The following AK5 variants were observed in gnomAD, a reference collection of about 807,000 sequenced individuals.
AK5 encodes the protein adenylate kinase 5.
In AK5, 27 loss-of-function variants were observed where a neutral mutation model predicts 69.5. That is an observed-to-expected ratio of 0.39 (90% CI 0.29 to 0.54). AK5 has a LOEUF of 0.54. AK5 is among the 20% of genes least tolerant of loss of function. AK5 has a pLI of 0.71. For missense variants in AK5, 531 were observed against 700.4 expected, an observed-to-expected ratio of 0.76 and a Z score of 2.73; for synonymous variants, 260 against 244.4, an observed-to-expected ratio of 1.06 and a Z score of -0.60.
chr1:77,328,043 C>A lies in AK5; in HGVS notation c.700-12334C>A, dbSNP rs961095187. ...TACCTTTCCAGAACTTCACTTCTAG[C>A]TCATAATAGGATCCTAGTAAATACT... On this transcript the variant is annotated intron_variant, in intron 5 of 13. Coordinates refer to ENST00000354567, the MANE Select transcript of AK5 (RefSeq NM_174858.3). Among the ~76,000 whole-genome samples the A allele has an allele frequency of 4.6e-5, 7 of 152,278 alleles. No homozygotes were observed. The South Asian group carries it at 1.2e-3, about 27-fold the overall frequency.
chr1:77,448,221 G>T (rs138611119), intron 8 of AK5, among the ~76,000 whole-genome samples: 11 of 152,304 alleles, frequency 7.2e-5, no homozygotes, highest in Non-Finnish European at 1.5e-4. Flanking sequence ...GGGCCAGGCT[G>T]CCAGTTCACA....
Position 77,434,107 on chromosome 1 carries a change from CATAAATAAATAAATAA to C in AK5, c.1059+16422_1059+16437del, listed in dbSNP as rs144552494. ...GAAATCAGAAAAATAGAGTGCAAAG[CATAAATAAATAAATAA>C]ATAAATAAATAAATAAATAAATAAA... On this transcript the variant is annotated intron_variant, in intron 8 of 13. Coordinates refer to ENST00000354567, the MANE Select transcript of AK5 (RefSeq NM_174858.3). Among the ~76,000 whole-genome samples, 339 of 143,584 alleles carry C rather than the reference CATAAATAAATAAATAA, an allele frequency of 2.4e-3. 2 individuals are homozygous for C. The highest frequency in any genetic ancestry group is 2.1e-3 in the Non-Finnish European group (135 of 65,740). The allele number at this position is 143,584 out of a possible 152,430, so 94.2% of individuals were successfully genotyped here. A position where few individuals can be genotyped will look rare whatever the true frequency, so the allele number is the denominator to read the frequency against.
intron 10 of AK5, among the ~76,000 whole-genome samples, chr1:77,489,695 C>T (rs1412422176): frequency 2.6e-5 from 4 of 152,174 alleles, no homozygotes; most frequent in Non-Finnish European, 5.9e-5. Flanking sequence ...AGGTTGACAT[C>T]CTCACTATTC....
At chr1:77,331,079 T>C (rs1661062560) in intron 5 of AK5, among the ~76,000 whole-genome samples, 1 of 152,070 alleles carries the variant, frequency 6.6e-6, no homozygotes, top group Admixed American at 6.5e-5. Flanking sequence ...AAAAATATAA[T>C]ATAATTATGC....
rs200562161 is a variant in AK5 at position 77,521,960 on chromosome 1, G to A, written c.1428+17G>A. ...GGACGCAGGGTGAGTGGTTGTTACG[G>A]GCATCCTTCCAGAAGAAAAATAGGG... On this transcript the variant is annotated intron_variant, in intron 12 of 13. Coordinates refer to ENST00000354567, the MANE Select transcript of AK5 (RefSeq NM_174858.3). 1 of 1,558,770 alleles carries A rather than the reference G, an allele frequency of 6.4e-7. No individual in the cohort carries two copies. The highest frequency in any genetic ancestry group is 8.7e-7 in the Non-Finnish European group (1 of 1,150,584).
At chr1:77,283,429 G>GT in intron 1 of AK5, 1 of 985,266 alleles carries the variant, frequency 1.0e-6, no homozygotes, top group Non-Finnish European at 1.2e-6. Flanking sequence ...GGTCATGAGG[G>GT]TTTTTCCCCC....
chr1:77,495,389 G>T (rs11162355), intron 10 of AK5, among the ~76,000 whole-genome samples: 87,554 of 151,944 alleles, frequency 0.58, 26,285 homozygotes, highest in Non-Finnish European at 0.67. Context: ...TTTACTTTGC[G>T]CCTATGTATC....
intron 13 of AK5, among the ~76,000 whole-genome samples, chr1:77,555,860 C>G (rs1660070381): frequency 6.6e-6 from 1 of 152,126 alleles, no homozygotes; most frequent in African/African-American, 2.4e-5. Context: ...TGGTTAACTG[C>G]AAAACATTGA....
intron 8 of AK5, among the ~76,000 whole-genome samples, chr1:77,444,345 AAT>A (rs1652571850): frequency 1.7e-5 from 1 of 59,374 alleles, no homozygotes; most frequent in Non-Finnish European, 3.1e-5. Flanking sequence ...ATATATACAC[AAT>A]ATATGTGTAT....
chr1:77,479,196 C>CTTTTTTTTTTTTTTTTTTTTTTTTTTTT (rs67079216), intron 8 of AK5, among the ~76,000 whole-genome samples: 1 of 71,908 alleles, frequency 1.4e-5, no homozygotes, highest in Non-Finnish European at 2.6e-5. Flanking sequence ...CTGAAATTGT[C>CTTTTTTTTTTTTTTTTTTTTTTTTTTTT]TTTTTTTTTT....
At chr1:77,520,532 C>G (rs1657922328) in intron 11 of AK5, among the ~76,000 whole-genome samples, 1 of 152,222 alleles carries the variant, frequency 6.6e-6, no homozygotes, top group Non-Finnish European at 1.5e-5. Flanking sequence ...CACAAGTCAG[C>G]CTGTTCCTGC....
At chr1:77,356,018 G>T (rs919030516) in intron 6 of AK5, among the ~76,000 whole-genome samples, 3 of 151,984 alleles carry the variant, frequency 2.0e-5, no homozygotes, top group Non-Finnish European at 4.4e-5. Context: ...AATCTTCTCT[G>T]CAGTTGATCA....
chr1:77,312,453 A>G (rs916572448), intron 5 of AK5, among the ~76,000 whole-genome samples: 2 of 151,984 alleles, frequency 1.3e-5, no homozygotes, highest in African/African-American at 2.4e-5. Context: ...TGTCTCTACT[A>G]AAAATACAAA....
chr1:77,334,180 G>T (rs895536503), intron 5 of AK5, among the ~76,000 whole-genome samples: 1 of 152,096 alleles, frequency 6.6e-6, no homozygotes, highest in Non-Finnish European at 1.5e-5. Flanking sequence ...TGGAAATGCT[G>T]TATTTAGTCT....
intron 6 of AK5, among the ~76,000 whole-genome samples, chr1:77,368,244 TATATATATA>T (rs1647043268): frequency 1.6e-4 from 2 of 12,592 alleles, no homozygotes; most frequent in Non-Finnish European, 6.4e-4. Flanking sequence ...TATATATATA[TATATATATA>T]ATATATATGT....
chr1:77,368,301 T>C (rs1178367995), intron 6 of AK5, among the ~76,000 whole-genome samples: 1 of 113,896 alleles, frequency 8.8e-6, no homozygotes, highest in African/African-American at 3.6e-5. Context: ...ATGTTATATA[T>C]AATATATATG....
At chr1:77,293,588 T>G (rs528291053) in intron 2 of AK5, 2 of 430,132 alleles carry the variant, frequency 4.6e-6, no homozygotes, top group African/African-American at 2.1e-5. Context: ...CCAAGTTGAA[T>G]AGAAACTGCA....
intron 13 of AK5, among the ~76,000 whole-genome samples, chr1:77,539,144 T>TA (rs1205653083): frequency 6.6e-6 from 1 of 152,264 alleles, no homozygotes; most frequent in Non-Finnish European, 1.5e-5. Context: ...AGCCATCTGT[T>TA]ACAGTGTGTA....
chr1:77,494,985 T>C (rs911002495), intron 10 of AK5, among the ~76,000 whole-genome samples: 1 of 152,048 alleles, frequency 6.6e-6, no homozygotes, highest in Non-Finnish European at 1.5e-5. Context: ...GGTTTCACCA[T>C]GTTAGCCAGG....
Sources: gnomAD v4.1 joint callset for allele counts (sites outside exome capture counted in the v4.1 genomes callset) on GRCh38, gnomAD v4.1.1 for gene constraint, MANE v1.5 for transcripts, NCBI Gene and HGNC (gene_info 2026-07-23, HGNC 2026-07-21) for gene names.